The following IQCE variants were observed in gnomAD, a reference collection of about 807,000 sequenced individuals.
IQCE encodes the protein IQ motif containing E, also known as IQ domain-containing protein E.
In IQCE, 115 loss-of-function variants were observed where a neutral mutation model predicts 96.0. The ratio of observed to expected loss-of-function variants is 1.20; its 90% CI spans 1.03 to 1.40. IQCE has a LOEUF of 1.40. IQCE is among the 40% of genes most tolerant of loss of function. The pLI is 0.00. For synonymous variants in IQCE, 412 were observed against 371.2 expected (o/e 1.11, Z -1.26); for missense variants, 1,041 against 909.1 (o/e 1.15, Z -1.87).
rs1403076916 is a variant in IQCE at position 2,586,094 on chromosome 7, C to CT, written c.825-114_825-113insT. 1.1e-5 allele frequency: 11 copies of CT among 991,114 alleles called. No individual in the cohort carries two copies. The Admixed American group carries it at 1.2e-4, about 11-fold the overall frequency. 61.4% of individuals were successfully genotyped at this position (991,114 alleles called of 1,614,324 possible). ...GATTTCAAATACTCACCTGCAAAAA[C>CT]CACTCTGAGCTCACAACCAACAGAG... On this transcript the variant is annotated intron_variant, in intron 11 of 21. Transcript: ENST00000402050.
At chr7:2,605,334 T>C (rs115511105) in intron 19 of IQCE, among the ~76,000 whole-genome samples, 1 of 152,110 alleles carries the variant, frequency 6.6e-6, no homozygotes, top group African/African-American at 2.4e-5. Context: ...AGAATCCCTA[T>C]AGTAGGCCGG....
At chr7:2,587,124 G>C (rs1257125098) in intron 12 of IQCE, among the ~76,000 whole-genome samples, 1 of 152,068 alleles carries the variant, frequency 6.6e-6, no homozygotes, top group Admixed American at 6.5e-5. Context: ...GAGGGTGTAG[G>C]CTCTGAGAGG....
intron 4 of IQCE, among the ~76,000 whole-genome samples, 175 bp downstream of exon 4, chr7:2,571,829 T>G (rs748483128): frequency 6.6e-6 from 1 of 152,232 alleles, no homozygotes; most frequent in Non-Finnish European, 1.5e-5. Flanking sequence ...AAATGTGGTT[T>G]CGCCAAGTGG....
chr7:2,566,129 C>T (rs979780089), intron 1 of IQCE, among the ~76,000 whole-genome samples: 2 of 152,194 alleles, frequency 1.3e-5, no homozygotes, highest in African/African-American at 4.8e-5. Context: ...AGCTGTAGAA[C>T]TATTGGCTCA....
intron 2 of IQCE, 131 bp from the exon 3 acceptor site, chr7:2,568,823 T>G: frequency 1.3e-6 from 1 of 791,348 alleles, no homozygotes; most frequent in Non-Finnish European, 2.1e-6. Context: ...TGGACCCTCC[T>G]TACGTCCCCG....
intron 6 of IQCE, among the ~76,000 whole-genome samples, chr7:2,577,327 T>G: frequency 6.6e-6 from 1 of 151,118 alleles, no homozygotes; most frequent in Non-Finnish European, 1.5e-5. Context: ...GTGTGCGGCG[T>G]ATACACATTG....
At chr7:2,569,117 G>A in intron 3 of IQCE, 118 bp downstream of exon 3, 1 of 947,480 alleles carries the variant, frequency 1.1e-6, no homozygotes, top group Non-Finnish European at 1.6e-6. Flanking sequence ...TCAGCCAGTT[G>A]GCCCCATTCC....
chr7:2,592,650 A>G (rs1783694205), intron 14 of IQCE, among the ~76,000 whole-genome samples: 1 of 152,230 alleles, frequency 6.6e-6, no homozygotes, highest in African/African-American at 2.4e-5. Flanking sequence ...GCCACGGTCT[A>G]GGCGGGGCAG....
rs367734719 is a variant in IQCE at position 2,578,314 on chromosome 7, A to G, written c.538A>G (p.Arg180Gly). 5 of 1,614,188 alleles carry G rather than the reference A, an allele frequency of 3.1e-6. No homozygotes were observed. The South Asian group carries it at 3.3e-5, about 11-fold the overall frequency. ...CCGGCGCCTGGAGGAGGAAAACAGC[A>G]GGAAGGACCGGCAGATAGAGCAGCT... ...KLRRLEEENS[R>G]KDRQIEQLLD... The change falls in exon 7 of 22, where the codon AGG (arginine) becomes GGG (glycine). Residue 180 changes from arginine to glycine, a missense_variant. Physicochemically the swap from Arg to Gly is moderately radical, Grantham distance 125 (BLOSUM62 -2). Coordinates refer to ENST00000402050, the MANE Select transcript of IQCE (RefSeq NM_152558.5).
In IQCE at chr7:2,578,447, G is replaced by A. The variant is rs377371574; in HGVS notation, c.580-29G>A. On this transcript the variant is annotated intron_variant, in intron 7 of 21. Transcript: ENST00000402050. Reference sequence around the variant, plus strand: ...CCTGCTGGGGGCTACACCGAAGGCCGTCTTCATGTCTCAATCTGCTTACCA... The same window carrying A: ...CCTGCTGGGGGCTACACCGAAGGCCATCTTCATGTCTCAATCTGCTTACCA... The A allele has an allele frequency of 3.9e-5, 63 of 1,613,848 alleles. No individual in the cohort carries two copies. The Admixed American group carries it at 4.2e-4, about 11-fold the overall frequency.
At chr7:2,581,480 A>G (rs1183649252) in intron 8 of IQCE, among the ~76,000 whole-genome samples, 2 of 152,178 alleles carry the variant, frequency 1.3e-5, no homozygotes, top group Non-Finnish European at 2.9e-5. Flanking sequence ...TGCTGGGATT[A>G]TAGGCGTGAG....
At chr7:2,603,930 G>A (rs1784611001) in intron 18 of IQCE, among the ~76,000 whole-genome samples, 1 of 151,342 alleles carries the variant, frequency 6.6e-6, no homozygotes, top group Non-Finnish European at 1.5e-5. Context: ...GAGGCAGATC[G>A]TTCAAAAATA....
chr7:2,593,282 G>A (rs527547066), intron 15 of IQCE, among the ~76,000 whole-genome samples, 156 bp downstream of exon 15: 1 of 152,328 alleles, frequency 6.6e-6, no homozygotes, highest in South Asian at 2.1e-4. Flanking sequence ...CACCCAGCCC[G>A]GGACTAACCT....
intron 1 of IQCE, among the ~76,000 whole-genome samples, chr7:2,561,601 T>C (rs1341089548): frequency 1.3e-5 from 2 of 151,974 alleles, no homozygotes; most frequent in African/African-American, 2.4e-5. Flanking sequence ...TTTTGTATTT[T>C]TGGTAGACAC....
intron 17 of IQCE, among the ~76,000 whole-genome samples, chr7:2,600,809 A>G (rs1451490549): frequency 6.6e-6 from 1 of 152,136 alleles, no homozygotes; most frequent in Non-Finnish European, 1.5e-5. Context: ...GTGCACATTG[A>G]TTAACTTGGC....
At chr7:2,595,922 C>G (rs1784002388) in intron 16 of IQCE, among the ~76,000 whole-genome samples, 1 of 152,212 alleles carries the variant, frequency 6.6e-6, no homozygotes, top group African/African-American at 2.4e-5. Flanking sequence ...CAGCCATGCT[C>G]TGCTCACCAT....
chr7:2,610,551 CT>C lies in IQCE; in HGVS notation c.*390del. The stretch of plus-strand genomic sequence containing the variant: ...GCAACCAGCGCCGACACCATGCCCC[CT>C]CTTCCTGGTGACACCCTCAACAACC... On this transcript the variant is annotated 3_prime_UTR_variant, in exon 22 of 22. Transcript: ENST00000402050. 5.1e-6 allele frequency: 1 copy of C among 197,596 alleles called. No individual in the cohort carries two copies. The highest frequency in any genetic ancestry group is 1.0e-5 in the Non-Finnish European group (1 of 95,736). The allele number at this position is 197,596 out of a possible 1,614,324, so 12.2% of individuals were successfully genotyped here. A position where few individuals can be genotyped will look rare whatever the true frequency, so the allele number is the denominator to read the frequency against.
chr7:2,588,197 C>G (rs114261116), intron 13 of IQCE, among the ~76,000 whole-genome samples: 167 of 152,320 alleles, frequency 1.1e-3, no homozygotes, highest in African/African-American at 3.7e-3. Context: ...TCCCACCACT[C>G]AAGTCGTGTT....
intron 1 of IQCE, among the ~76,000 whole-genome samples, chr7:2,561,717 G>A (rs971072986): frequency 1.3e-5 from 2 of 152,024 alleles, no homozygotes; most frequent in African/African-American, 2.4e-5. Flanking sequence ...CACCACGTCC[G>A]GCCTTACAAT....
Sources: allele counts gnomAD v4.1 joint callset (sites outside exome capture counted in the v4.1 genomes callset), GRCh38; gene constraint gnomAD v4.1.1; transcripts MANE v1.5; gene names NCBI Gene and HGNC (gene_info 2026-07-23, HGNC 2026-07-21).